The following UBA3 variants were observed in gnomAD, a reference collection of about 807,000 sequenced individuals.
UBA3 encodes NEDD8-activating enzyme E1 catalytic subunit.
Under a neutral mutation model 73.5 loss-of-function variants are expected in UBA3, and 26 were observed. That is an observed-to-expected ratio of 0.35 (90% CI 0.26 to 0.49). The LOEUF is 0.49. Among genes scored for constraint, UBA3 ranks in the 20% least tolerant of loss-of-function variants. The probability of loss-of-function intolerance (pLI) is 0.98; values close to 1 mark genes in which losing one functional copy is unlikely to be tolerated. For synonymous variants in UBA3, 217 were observed against 191.2 expected, an observed-to-expected ratio of 1.13 and a Z score of -1.11; for missense variants, 495 against 555.6, an observed-to-expected ratio of 0.89 and a Z score of 1.10.
Position 69,056,811 on chromosome 3 carries a change from C to T in UBA3, c.969G>A (p.Val323=), listed in dbSNP as rs2091977950. Reference sequence around the variant, plus strand: ...CTATTTTAAAAACCTCAGTGGCACACACAGCTGAAGGGAGGAGAAAATACA... The same window carrying T: ...CTATTTTAAAAACCTCAGTGGCACATACAGCTGAAGGGAGGAGAAAATACA... ...VASTNAVIAA[V]CATEVFKIAT... Residue 323 remains valine, a synonymous_variant, in exon 13 of 18, where the codon GTG becomes GTA. Transcript: ENST00000361055. 1 of 1,612,550 alleles carries T rather than the reference C, an allele frequency of 6.2e-7. No homozygotes were observed. The highest frequency in any genetic ancestry group is 1.3e-5 in the African/African-American group (1 of 74,744).
Position 69,068,416 on chromosome 3 carries a change from G to C in UBA3, c.348-408C>G, listed in dbSNP as rs189233262. Among the ~76,000 whole-genome samples the C allele has an allele frequency of 1.7e-3, 255 of 151,898 alleles. 3 individuals carry two copies. Among genetic ancestry groups the C allele is most frequent in the African/African-American group, 5.9e-3 (243 of 41,420 alleles). ...ACACAATAAGATTCATCCTTGGGAT[G>C]CAAGAACCTTCATTTAACCCCTTCT... On this transcript the variant is annotated intron_variant, in intron 5 of 17. Transcript: ENST00000361055.
At chr3:69,077,504 A>G (rs1013827257) in intron 3 of UBA3, 4 of 244,594 alleles carry the variant, frequency 1.6e-5, no homozygotes, top group African/African-American at 2.3e-5. Flanking sequence ...TTCTCACAGT[A>G]GCACTACAAA....
intron 3 of UBA3, among the ~76,000 whole-genome samples, chr3:69,076,057 T>C (rs1009732819): frequency 5.9e-5 from 9 of 152,184 alleles, no homozygotes; most frequent in Admixed American, 3.9e-4. Context: ...TTGCCTTTTA[T>C]TGTATGAAAG....
intron 2 of UBA3, chr3:69,079,902 T>C (rs914362826): frequency 3.7e-6 from 2 of 542,412 alleles, no homozygotes; most frequent in Admixed American, 7.9e-5. Context: ...CAGTACAGCC[T>C]GGCCCCGACG....
intron 4 of UBA3, among the ~76,000 whole-genome samples, chr3:69,074,731 C>T (rs147418710): frequency 3.8e-3 from 575 of 152,122 alleles, no homozygotes; most frequent in African/African-American, 0.013. Context: ...TTATAGAAAG[C>T]GACTTTGTGA....
At chr3:69,056,113 A>G (rs750123361) in intron 15 of UBA3, 50 bp from the exon 16 acceptor site, 2 of 1,561,174 alleles carry the variant, frequency 1.3e-6, no homozygotes, top group Admixed American at 2.2e-5. Context: ...TTATCAAAAG[A>G]TAATTTTTTT....
chr3:69,078,548 A>T (rs1223259466), intron 2 of UBA3, among the ~76,000 whole-genome samples: 2 of 152,120 alleles, frequency 1.3e-5, no homozygotes, highest in Non-Finnish European at 2.9e-5. Context: ...ACTGCAGCTC[A>T]CTGCAGCCTT....
rs1475674403 is a variant in UBA3, at chr3:69,054,776, A to G, written c.*661T>C. 1 of 152,224 alleles carries G rather than the reference A, an allele frequency of 6.6e-6. No individual in the cohort carries two copies. The highest frequency in any genetic ancestry group is 1.5e-5 in the Non-Finnish European group (1 of 68,042). 9.4% of individuals were successfully genotyped at this position (152,224 alleles called of 1,614,324 possible). Reference sequence around the variant, plus strand: ...AATAAATAGTGCAAAAGCATCAGTGATAACTGTTTGAACATTAAATTTTTT... The same window carrying G: ...AATAAATAGTGCAAAAGCATCAGTGGTAACTGTTTGAACATTAAATTTTTT... On this transcript the variant is annotated 3_prime_UTR_variant, in exon 18 of 18. Coordinates refer to ENST00000361055, the MANE Select transcript of UBA3 (RefSeq NM_003968.4).
intron 2 of UBA3, chr3:69,079,844 C>T: frequency 2.1e-6 from 1 of 480,106 alleles, no homozygotes; most frequent in Non-Finnish European, 3.6e-6. Context: ...GGTCCTTCCT[C>T]AAGACCTTTA....
chr3:69,080,049 A>C, intron 2 of UBA3, 63 bp downstream of exon 2: 1 of 1,503,172 alleles, frequency 6.7e-7, no homozygotes, highest in Non-Finnish European at 9.1e-7. Context: ...CTGGTCCCCT[A>C]GGCCTGGGGT....
intron 11 of UBA3, among the ~76,000 whole-genome samples, chr3:69,057,747 G>T (rs965230273): frequency 6.6e-6 from 1 of 151,970 alleles, no homozygotes; most frequent in Non-Finnish European, 1.5e-5. Context: ...TATGAACACA[G>T]ATATTAACTG....
chr3:69,057,165 G>T, intron 12 of UBA3, 91 bp downstream of exon 12: 2 of 1,289,530 alleles, frequency 1.6e-6, no homozygotes, highest in Non-Finnish European at 2.2e-6. Flanking sequence ...CATCCAAGAA[G>T]ATATCAAATT....
intron 6 of UBA3, among the ~76,000 whole-genome samples, chr3:69,065,706 T>C (rs531037045): frequency 5.3e-5 from 8 of 152,268 alleles, no homozygotes; most frequent in African/African-American, 1.9e-4. Context: ...CCTCCCAAAG[T>C]GCTGGAATTA....
At chr3:69,055,649 A>C in intron 17 of UBA3, 124 bp from the exon 18 acceptor site, 1 of 893,940 alleles carries the variant, frequency 1.1e-6, no homozygotes. Context: ...CTCTTTAATC[A>C]AAGTAATATT....
At position 69,062,975 on chromosome 3, in the gene UBA3, TG is replaced by T. The variant is rs2092034759; in HGVS notation, c.693+6del. On this transcript the variant is annotated splice_donor_region_variant and intron_variant, in intron 9 of 17. Coordinates refer to ENST00000361055, the MANE Select transcript of UBA3 (RefSeq NM_003968.4). ...TATAAAAGAAATGCAGGTGCTTTTTTGATTACCTGTGGTGGATAAAGTTCCA... is the reference window on the plus strand; with the variant it reads ...TATAAAAGAAATGCAGGTGCTTTTTTATTACCTGTGGTGGATAAAGTTCCA... 1.2e-6 allele frequency: 2 copies of T among 1,612,966 alleles called. No homozygotes were observed. The highest frequency in any genetic ancestry group is 1.7e-6 in the Non-Finnish European group (2 of 1,179,552).
intron 6 of UBA3, among the ~76,000 whole-genome samples, chr3:69,066,835 G>T (rs1163046920): frequency 6.6e-6 from 1 of 152,136 alleles, no homozygotes; most frequent in Non-Finnish European, 1.5e-5. Flanking sequence ...GCTCCAGTAC[G>T]ATTTGTTGAA....
At position 69,067,982 on chromosome 3, in the gene UBA3, G is replaced by A. The variant is rs779187407; in HGVS notation, c.374C>T (p.Ala125Val). ...FRPKDIGRPK[A>V]EVAAEFLNDR... ...ATTTAGAAATTCTGCAGCAACTTCA[G>A]CCTTAGGTCTTCCAATATCTTTAGG... The change falls in exon 6 of 18, where the codon GCT becomes GTT. Residue 125 changes from alanine (A) to valine (V), a missense_variant. Ala to Val is a moderately conservative substitution (Grantham distance 64, BLOSUM62 0). Transcript: ENST00000361055. 5.6e-6 allele frequency: 9 copies of A among 1,605,350 alleles called. No homozygotes were observed. The highest frequency in any genetic ancestry group is 6.8e-6 in the Non-Finnish European group (8 of 1,175,426).
intron 4 of UBA3, among the ~76,000 whole-genome samples, chr3:69,072,907 C>T (rs1238475861): frequency 6.6e-6 from 1 of 152,216 alleles, no homozygotes; most frequent in African/African-American, 2.4e-5. Context: ...TCACAGCACA[C>T]CACCAATCCA....
intron 6 of UBA3, among the ~76,000 whole-genome samples, chr3:69,066,732 C>G (rs962778934): frequency 6.6e-6 from 1 of 152,038 alleles, no homozygotes; most frequent in Non-Finnish European, 1.5e-5. Flanking sequence ...ACGCCTGGCT[C>G]ATTTTATATT....
Sources: allele counts gnomAD v4.1 joint callset (sites outside exome capture counted in the v4.1 genomes callset), GRCh38; gene constraint gnomAD v4.1.1; transcripts MANE v1.5; gene names NCBI Gene and HGNC (gene_info 2026-07-23, HGNC 2026-07-21).